The following IGSF10 variants were observed in gnomAD, a reference collection of about 807,000 sequenced individuals.
IGSF10 encodes immunoglobulin superfamily member 10, also known as calvaria mechanical force protein 608.
IGSF10 carries 126 observed loss-of-function variants against 128.2 expected under a neutral mutation model. That is an observed-to-expected ratio of 0.98 (90% CI 0.85 to 1.14). IGSF10 has a LOEUF of 1.14. Ranked by LOEUF, IGSF10 falls within the 50% of genes most tolerant of loss-of-function variation. The pLI is 0.00. For missense variants in IGSF10, 3,295 were observed against 3,149.8 expected (o/e 1.05, Z -1.10); for synonymous variants, 1,185 against 1,146.2 (o/e 1.03, Z -0.68).
chr3:151,445,191 G>A lies in IGSF10; in HGVS notation c.4790C>T (p.Thr1597Ile). Residue 1597 changes from threonine to isoleucine, a missense_variant, in exon 6 of 8, where the codon ACT becomes ATT. Thr to Ile is a moderately conservative substitution (Grantham distance 89, BLOSUM62 -1). Transcript: ENST00000282466. The stretch of plus-strand genomic sequence containing the variant: ...AGTGGTGGCCTCGGACAGGCCTGTA[G>A]TAGCCAACATGCTTACTTCTGGCTT... ...GKKPEVSMLATTGLSEATTLV... is the reference protein window; with the variant it reads ...GKKPEVSMLAITGLSEATTLV... The A allele has an allele frequency of 6.2e-7, 1 of 1,614,252 alleles. No individual in the cohort carries two copies. The highest frequency in any genetic ancestry group is 8.5e-7 in the Non-Finnish European group (1 of 1,180,046).
the IGSF10 span, among the ~76,000 whole-genome samples, chr3:151,568,618 T>C: frequency 6.6e-6 from 1 of 152,302 alleles, no homozygotes; most frequent in South Asian, 2.1e-4. Context: ...GTCAGAAATA[T>C]CCACCTCCCT....
downstream of IGSF10, chr3:151,432,608 T>C (rs1719660777): frequency 3.5e-6 from 2 of 577,294 alleles, no homozygotes; most frequent in South Asian, 2.7e-5. Context: ...ACCACAAGGG[T>C]TTTTCAGGGC....
At chr3:151,594,802 A>G in the IGSF10 span, among the ~76,000 whole-genome samples, 1 of 151,984 alleles carries the variant, frequency 6.6e-6, no homozygotes, top group Non-Finnish European at 1.5e-5. Context: ...CAAAGAAATG[A>G]TGAACATTCC....
At chr3:151,578,726 G>C in the IGSF10 span, among the ~76,000 whole-genome samples, 1 of 152,130 alleles carries the variant, frequency 6.6e-6, no homozygotes, top group African/African-American at 2.4e-5. Context: ...AACAAATACT[G>C]TCTCAGATGT....
At chr3:151,603,003 C>T in the IGSF10 span, among the ~76,000 whole-genome samples, 1 of 152,152 alleles carries the variant, frequency 6.6e-6, no homozygotes, top group African/African-American at 2.4e-5. Context: ...TATTTTCTTC[C>T]CTGCAATTAT....
chr3:151,505,116 C>T, the IGSF10 span, among the ~76,000 whole-genome samples: 39 of 152,286 alleles, frequency 2.6e-4, 1 homozygote, highest in East Asian at 6.9e-3. Context: ...TACCAATTTA[C>T]TTTATTAGTT....
the IGSF10 span, among the ~76,000 whole-genome samples, chr3:151,500,140 G>A: frequency 2.0e-5 from 3 of 152,026 alleles, no homozygotes; most frequent in South Asian, 2.1e-4. Flanking sequence ...ATAGCACCTT[G>A]GTAGCTCAAA....
At chr3:151,520,351 C>A in the IGSF10 span, among the ~76,000 whole-genome samples, 1 of 151,704 alleles carries the variant, frequency 6.6e-6, no homozygotes, top group African/African-American at 2.4e-5. Context: ...TAAAAGTAGT[C>A]CTATTGCAGT....
the IGSF10 span, among the ~76,000 whole-genome samples, chr3:151,582,540 TTTGTGAGATTGA>T: frequency 6.6e-6 from 1 of 152,198 alleles, no homozygotes; most frequent in Non-Finnish European, 1.5e-5. Flanking sequence ...CTCATTATCA[TTTGTGAGATTGA>T]TTTATGCTAT....
intron 1 of IGSF10, 93 bp from the exon 2 acceptor site, chr3:151,460,440 G>A (rs1327824715): frequency 4.7e-6 from 1 of 211,596 alleles, no homozygotes; most frequent in African/African-American, 2.4e-5. Context: ...GGGAGACCTG[G>A]AGCCGCTTCC....
the IGSF10 span, among the ~76,000 whole-genome samples, chr3:151,575,831 G>C: frequency 2.0e-5 from 3 of 152,148 alleles, no homozygotes; most frequent in African/African-American, 7.2e-5. Context: ...CTGCAGACCA[G>C]AGCTGTTCCT....
the IGSF10 span, among the ~76,000 whole-genome samples, chr3:151,618,749 A>T: frequency 6.6e-6 from 1 of 150,672 alleles, no homozygotes; most frequent in African/African-American, 2.4e-5. Flanking sequence ...TAAAAAATAA[A>T]AAATAAATAA....
the IGSF10 span, among the ~76,000 whole-genome samples, chr3:151,467,893 GAAAAA>G: frequency 6.9e-6 from 1 of 145,928 alleles, no homozygotes; most frequent in East Asian, 2.0e-4. Context: ...AAAAAAAAAA[GAAAAA>G]AGAAAAAAGA....
chr3:151,509,941 A>G, the IGSF10 span, among the ~76,000 whole-genome samples: 3 of 152,202 alleles, frequency 2.0e-5, no homozygotes, highest in Non-Finnish European at 4.4e-5. Context: ...GGCACCCACC[A>G]TTGCTCAGGC....
At chr3:151,514,918 A>G in the IGSF10 span, among the ~76,000 whole-genome samples, 1 of 152,212 alleles carries the variant, frequency 6.6e-6, no homozygotes, top group Non-Finnish European at 1.5e-5. Flanking sequence ...CCACAATGAG[A>G]TACCATTTCC....
chr3:151,443,379 C>T lies in IGSF10; in HGVS notation c.5568G>A (p.Trp1856Ter), dbSNP rs773986671. 3.1e-6 allele frequency: 5 copies of T among 1,614,088 alleles called. No homozygotes were observed. The highest frequency in any genetic ancestry group is 3.3e-5 in the Admixed American group (2 of 60,004). The change falls in exon 7 of 8, where the codon TGG (tryptophan) becomes TGA (stop). Residue 1856 changes from tryptophan to a stop codon, truncating the protein, a stop_gained. Coordinates refer to ENST00000282466, the MANE Select transcript of IGSF10 (RefSeq NM_178822.5). LOFTEE classifies it high-confidence loss of function. ...EQRRQVIVGT[W>*]GESLKLPCTA... The stretch of plus-strand genomic sequence containing the variant: ...TACAGGGCAGTTTTAAACTTTCACC[C>T]CAAGTGCCTACAATGACTTGCCTCC...
chr3:151,434,448 T>G (rs1288960225), downstream of IGSF10: 4 of 152,230 alleles, frequency 2.6e-5, no homozygotes, highest in African/African-American at 4.8e-5. Context: ...GTGTTTACTC[T>G]GGGCTGGAAA....
chr3:151,445,340 T>C lies in IGSF10; in HGVS notation c.4641A>G (p.Leu1547=), dbSNP rs1721119209. 1 of 1,614,072 alleles carries C rather than the reference T, an allele frequency of 6.2e-7. No individual in the cohort carries two copies. The highest frequency in any genetic ancestry group is 8.5e-7 in the Non-Finnish European group (1 of 1,180,014). ...TTAGTGCTGGCATGGGAGTAGAATG[T>C]AACAGATTAGAGTAGATGAAGTGAG... The part of the protein sequence containing the change: ...GTTHFIYSNL[L]HSTPMPALTT... The change falls in exon 6 of 8, where the codon TTA becomes TTG. Residue 1547 remains leucine (L), a synonymous_variant. Transcript: ENST00000282466.
Position 151,447,704 on chromosome 3 carries a change from C to G in IGSF10, c.2277G>C (p.Leu759=). Residue 759 remains leucine (L), a synonymous_variant, in exon 6 of 8, where the codon CTG becomes CTC. Coordinates refer to ENST00000282466, the MANE Select transcript of IGSF10 (RefSeq NM_178822.5). ...TAGCATTCTTTTTAGCTTTCTCCAA[C>G]AGTGCCGCCCAATGTTGTGGGTCAA... ...RRIDPQHWAA[L]LEKAKKNAMP... The G allele has an allele frequency of 3.1e-6, 5 of 1,614,182 alleles. No homozygotes were observed. Among genetic ancestry groups the G allele is most frequent in the Non-Finnish European group, 4.2e-6 (5 of 1,180,042 alleles).
Sources: gnomAD v4.1 joint callset for allele counts (sites outside exome capture counted in the v4.1 genomes callset) on GRCh38, gnomAD v4.1.1 for gene constraint, MANE v1.5 for transcripts, NCBI Gene and HGNC (gene_info 2026-07-23, HGNC 2026-07-21) for gene names.